The following SYDE2 variants were observed in gnomAD, a reference collection of about 807,000 sequenced individuals.
SYDE2 encodes the protein rho GTPase-activating protein SYDE2.
A neutral mutation model predicts 91.5 loss-of-function variants in SYDE2; 76 were observed. That is an observed-to-expected ratio of 0.83 (90% confidence interval 0.69 to 1.01). The LOEUF (loss-of-function observed/expected upper bound fraction) is 1.01. Among genes scored for constraint, SYDE2 ranks in the 50% least tolerant of loss-of-function variants. The probability of loss-of-function intolerance (pLI) is 0.00; values close to 1 mark genes in which losing one functional copy is unlikely to be tolerated. For synonymous variants in SYDE2, 513 were observed against 506.4 expected, an observed-to-expected ratio of 1.01 and a Z score of -0.18; for missense variants, 1,364 against 1,367.7, an observed-to-expected ratio of 1.00 and a Z score of 0.04.
chr1:85,180,644 T>A (rs1172910201), intron 3 of SYDE2, among the ~76,000 whole-genome samples: 1 of 150,002 alleles, frequency 6.7e-6, no homozygotes. Flanking sequence ...GAGCTGAGAC[T>A]GCGCCATTGC....
chr1:85,174,442 A>G (rs538698000), intron 4 of SYDE2, among the ~76,000 whole-genome samples: 1 of 152,340 alleles, frequency 6.6e-6, no homozygotes, highest in East Asian at 1.9e-4. Flanking sequence ...AAATAAGCCT[A>G]AATAAATACA....
At position 85,164,536 on chromosome 1, in the gene SYDE2, T is replaced by C. The variant is rs533729107; in HGVS notation, c.3075A>G (p.Gln1025=). The C allele has an allele frequency of 6.3e-7, 1 of 1,591,102 alleles. No individual in the cohort carries two copies. The highest frequency in any genetic ancestry group is 8.6e-7 in the Non-Finnish European group (1 of 1,169,428). ...KHIEVLHYLL[Q]LWPVQRLTVK... is the part of the protein sequence containing the mutation. ...CATAGAATCATTTACCTGGCCAGAG[T>C]TGGAGTAAGTAATGAAGAACTTCAA... Residue 1025 remains glutamine (Q), a synonymous_variant, in exon 6 of 7, where the codon CAA becomes CAG. Coordinates refer to ENST00000341460, the MANE Select transcript of SYDE2 (RefSeq NM_032184.2).
chr1:85,171,538 T>G (rs1218496324), intron 4 of SYDE2, among the ~76,000 whole-genome samples: 2 of 152,048 alleles, frequency 1.3e-5, no homozygotes, highest in African/African-American at 4.8e-5. Context: ...AGAACAGTGT[T>G]TTTTCAAAAT....
intron 6 of SYDE2, among the ~76,000 whole-genome samples, chr1:85,163,480 T>TATATATA (rs1216698478): frequency 2.2e-5 from 3 of 134,648 alleles, no homozygotes; most frequent in African/African-American, 8.9e-5. Context: ...TATATATATA[T>TATATATA]AACAAAAGAG....
At chr1:85,192,261 A>T (rs1177263455) in intron 1 of SYDE2, among the ~76,000 whole-genome samples, 1 of 152,106 alleles carries the variant, frequency 6.6e-6, no homozygotes, top group Non-Finnish European at 1.5e-5. Flanking sequence ...TTTAAAAATT[A>T]GCCAGGTGTG....
rs145129458 is a variant in SYDE2 at position 85,176,317 on chromosome 1, C to G, written c.2671+1829G>C. ...TTCCTATATAAAAATTAAAAGGAACCATTATTTCTGATTTGTTAAAATATG... is the reference window on the plus strand; with the variant it reads ...TTCCTATATAAAAATTAAAAGGAACGATTATTTCTGATTTGTTAAAATATG... On this transcript the variant is annotated intron_variant, in intron 4 of 6. Transcript: ENST00000341460. Among the ~76,000 whole-genome samples the G allele has an allele frequency of 1.4e-4, 22 of 151,972 alleles. No homozygotes were observed. The East Asian group carries it at 4.2e-3, about 29-fold the overall frequency.
intron 3 of SYDE2, 32 bp downstream of exon 3, chr1:85,182,066 G>C (rs1256208084): frequency 3.9e-6 from 6 of 1,522,056 alleles, no homozygotes; most frequent in Non-Finnish European, 4.4e-6. Context: ...AATCAATAAA[G>C]GAAGTAGTAG....
At chr1:85,160,173 C>A (rs1320176048) in intron 6 of SYDE2, 2 of 984,918 alleles carry the variant, frequency 2.0e-6, no homozygotes, top group Non-Finnish European at 1.2e-6. Context: ...TATTTCCCTG[C>A]ACTAAGATAA....
chr1:85,184,778 C>T (rs1321592008), intron 2 of SYDE2, among the ~76,000 whole-genome samples: 1 of 151,552 alleles, frequency 6.6e-6, no homozygotes, highest in Non-Finnish European at 1.5e-5. Context: ...GGGAAGACTG[C>T]TTGAGCTGGG....
chr1:85,182,272 C>T lies in SYDE2; in HGVS notation c.2370G>A (p.Val790=). Residue 790 remains valine (V), a synonymous_variant, in exon 3 of 7, where the codon GTG becomes GTA. Coordinates refer to ENST00000341460, the MANE Select transcript of SYDE2 (RefSeq NM_032184.2). ...CCCACTGTTCCATAAGAGTCACTTTCACATAAATAAGACCTCTAGGTTCAA... is the reference window on the plus strand; with the variant it reads ...CCCACTGTTCCATAAGAGTCACTTTTACATAAATAAGACCTCTAGGTTCAA... ...VKLEPRGLIY[V]KVTLMEQWEN... is the part of the protein sequence containing the mutation. 6.2e-7 allele frequency: 1 copy of T among 1,613,000 alleles called. No homozygotes were observed. The highest frequency in any genetic ancestry group is 8.5e-7 in the Non-Finnish European group (1 of 1,179,566).
rs971436873 is a variant in SYDE2, at chr1:85,190,485, C to T, written c.1013G>A (p.Cys338Tyr). 7 of 1,613,840 alleles carry T rather than the reference C, an allele frequency of 4.3e-6. No homozygotes were observed. The African/African-American group carries it at 5.3e-5, about 12-fold the overall frequency. Residue 338 changes from cysteine (C) to tyrosine (Y), a missense_variant, in exon 2 of 7, where the codon TGT becomes TAT. Coordinates refer to ENST00000341460, the MANE Select transcript of SYDE2 (RefSeq NM_032184.2). ...QSFLKSSKEY[C>Y]TYVVCNATNS... ...TGTAGCGTTACATACCACATATGTA[C>T]AGTACTCTTTAGATGATTTGAGGAA...
At chr1:85,171,804 C>G (rs817431) in intron 4 of SYDE2, among the ~76,000 whole-genome samples, 34,253 of 151,948 alleles carry the variant, frequency 0.23, 4,780 homozygotes, top group African/African-American at 0.38. Flanking sequence ...GGACACTGAA[C>G]TCAAGTTGCA....
intron 4 of SYDE2, among the ~76,000 whole-genome samples, chr1:85,175,672 C>T (rs1657670930): frequency 6.6e-6 from 1 of 152,160 alleles, no homozygotes. Context: ...TTTAGACCTA[C>T]TGAACTATTA....
rs779168336 is a variant in SYDE2, at chr1:85,182,901, T to A, written c.1741A>T (p.Thr581Ser). ...HTDILPSGNT[T>S]TAAKRNVISR... ...ATAACATTCCTCTTAGCAGCGGTGG[T>A]TGTGTTCCCAGAGGGCAGAATATCA... is the stretch of plus-strand genomic sequence containing the variant. The change falls in exon 3 of 7, where the codon ACC (threonine) becomes TCC (serine). Residue 581 changes from threonine to serine, a missense_variant. Coordinates refer to ENST00000341460, the MANE Select transcript of SYDE2 (RefSeq NM_032184.2). 33 of 1,613,648 alleles carry A rather than the reference T, an allele frequency of 2.0e-5. No homozygotes were observed. Among genetic ancestry groups the A allele is most frequent in the Non-Finnish European group, 2.7e-5 (32 of 1,179,780 alleles).
chr1:85,188,461 T>C (rs1354784929), intron 2 of SYDE2, among the ~76,000 whole-genome samples: 3 of 152,322 alleles, frequency 2.0e-5, no homozygotes, highest in African/African-American at 4.8e-5. Context: ...TCTCTTAATA[T>C]ACATTTACTC....
In SYDE2 at chr1:85,183,064, C is replaced by A. The variant is rs771785327; in HGVS notation, c.1578G>T (p.Val526=). ...LPDKIKSPRT[V]RKLSMKMKKL... ...TTTTCATTTTCATGGAAAGTTTCCT[C>A]ACAGTTCGTGGAGATTTTATTTTAT... Residue 526 remains valine, a synonymous_variant, in exon 3 of 7, where the codon GTG becomes GTT. Transcript: ENST00000341460. The A allele has an allele frequency of 1.2e-6, 2 of 1,613,618 alleles. No individual in the cohort carries two copies. Among genetic ancestry groups the A allele is most frequent in the Non-Finnish European group, 1.7e-6 (2 of 1,179,788 alleles).
chr1:85,172,802 A>G (rs1301187483), intron 4 of SYDE2, among the ~76,000 whole-genome samples: 1 of 152,174 alleles, frequency 6.6e-6, no homozygotes, highest in East Asian at 1.9e-4. Flanking sequence ...AGAGCACTTG[A>G]GAGTAAAGGG....
chr1:85,181,628 A>T (rs958635019), intron 3 of SYDE2: 1 of 152,570 alleles, frequency 6.6e-6, no homozygotes, highest in Admixed American at 6.5e-5. Context: ...GCTTAAGTTT[A>T]TTAAATAAAT....
chr1:85,185,239 T>C (rs150739933), intron 2 of SYDE2, among the ~76,000 whole-genome samples: 13,640 of 147,528 alleles, frequency 0.092, 1,635 homozygotes, highest in African/African-American at 0.28. Flanking sequence ...ATATTTATAT[T>C]ATTTTATAAT....
Sources: allele counts gnomAD v4.1 joint callset (sites outside exome capture counted in the v4.1 genomes callset), GRCh38; gene constraint gnomAD v4.1.1; transcripts MANE v1.5; gene names NCBI Gene and HGNC (gene_info 2026-07-23, HGNC 2026-07-21).